IL22RA2: variants seen among roughly 807,000 people sequenced by gnomAD.
IL22RA2 encodes the protein interleukin-22 receptor subunit alpha-2.
In IL22RA2, 39 loss-of-function variants were observed where a neutral mutation model predicts 30.7. The observed-to-expected ratio is 1.27, with a 90% CI of 0.98 to 1.66. The LOEUF (loss-of-function observed/expected upper bound fraction) is 1.66, where lower values mean the gene tolerates loss of function less well. IL22RA2 is among the 40% of genes most tolerant of loss of function. The probability of loss-of-function intolerance (pLI) is 0.00; values close to 1 mark genes in which losing one functional copy is unlikely to be tolerated. For missense variants in IL22RA2, 315 were observed against 312.7 expected (o/e 1.01, Z -0.05); for synonymous variants, 103 against 105.0 (o/e 0.98, Z 0.11).
chr6:137,145,137 A>T lies in IL22RA2; in HGVS notation c.*487T>A, dbSNP rs1001366965. The T allele has an allele frequency of 2.6e-5, 4 of 151,824 alleles. No homozygotes were observed. The highest frequency in any genetic ancestry group is 9.7e-5 in the African/African-American group (4 of 41,414). The allele number at this position is 151,824 out of a possible 1,614,324, so 9.4% of individuals were successfully genotyped here. On this transcript the variant is annotated 3_prime_UTR_variant, in exon 7 of 7. Transcript: ENST00000296980. ...TTCATATAAAATAGAAATGTATGAA[A>T]AATATTCACCTTTATAGAAGTTTTA...
chr6:137,163,942 C>T (rs1562273457), intron 1 of IL22RA2, among the ~76,000 whole-genome samples: 1 of 152,142 alleles, frequency 6.6e-6, no homozygotes, highest in Non-Finnish European at 1.5e-5. Context: ...TAGGACACTG[C>T]ATACGGCCCA....
At chr6:137,146,863 G>A (rs939077811) in intron 6 of IL22RA2, among the ~76,000 whole-genome samples, 2 of 151,982 alleles carry the variant, frequency 1.3e-5, no homozygotes, top group Non-Finnish European at 1.5e-5. Context: ...GGGCATGGTG[G>A]CATGCACCTG....
chr6:137,147,081 G>A lies in IL22RA2; in HGVS notation c.642+641C>T, dbSNP rs370827184. Among the ~76,000 whole-genome samples the A allele has an allele frequency of 3.3e-5, 5 of 151,288 alleles. No homozygotes were observed. In the East Asian group the frequency reaches 9.7e-4, roughly 29 times the overall value. ...AAATAAGGTGTGAGGCCGGGGAGGT[G>A]GCTTATGCCTGCAATCCCAGCACTT... On this transcript the variant is annotated intron_variant, in intron 6 of 6. Transcript: ENST00000296980.
At position 137,162,355 on chromosome 6, in the gene IL22RA2, G is replaced by A. The variant is rs559998910; in HGVS notation, c.-65-541C>T. Among the ~76,000 whole-genome samples, 17 of 152,126 alleles carry A rather than the reference G, an allele frequency of 1.1e-4. No homozygotes were observed. The East Asian group carries it at 1.3e-3, about 12-fold the overall frequency. On this transcript the variant is annotated intron_variant, in intron 1 of 6. Coordinates refer to ENST00000296980, the MANE Select transcript of IL22RA2 (RefSeq NM_052962.3). ...CCTTCCACTGCATCTGGCTCTCCAC[G>A]GGGCTCCCTGCCGTACTCTTCAGCC...
In IL22RA2 at chr6:137,147,724, T is replaced by A; in HGVS notation, c.640A>T (p.Lys214Ter). 1 of 1,534,270 alleles carries A rather than the reference T, an allele frequency of 6.5e-7. No homozygotes were observed. The highest frequency in any genetic ancestry group is 1.2e-5 in the South Asian group (1 of 84,596). ...TATATCTATTCATCTGAACTTACCTTTTCTAGTGAATTGTTAATTATAAAA... is the reference window on the plus strand; with the variant it reads ...TATATCTATTCATCTGAACTTACCTATTCTAGTGAATTGTTAATTATAAAA... ...RVFIINNSLE[K>*]EQKVYEGAHR... is the part of the protein sequence containing the mutation. The change falls in exon 6 of 7, where the codon AAG (lysine) becomes TAG (stop). Residue 214 changes from lysine to a stop codon, truncating the protein, a stop_gained and splice_region_variant. Transcript: ENST00000296980. LOFTEE classifies it low-confidence loss of function (END_TRUNC).
chr6:137,160,332 G>A (rs753517786), intron 2 of IL22RA2, among the ~76,000 whole-genome samples: 4 of 152,138 alleles, frequency 2.6e-5, no homozygotes, highest in African/African-American at 9.7e-5. Context: ...CATTTAATTT[G>A]CCCAGCTCTT....
chr6:137,157,997 C>T (rs1291783826), intron 3 of IL22RA2, among the ~76,000 whole-genome samples: 1 of 152,210 alleles, frequency 6.6e-6, no homozygotes, highest in Non-Finnish European at 1.5e-5. Flanking sequence ...CCGATAGTTT[C>T]ACTCACTGAG....
At chr6:137,163,721 T>C (rs1341642413) in intron 1 of IL22RA2, among the ~76,000 whole-genome samples, 1 of 152,156 alleles carries the variant, frequency 6.6e-6, no homozygotes, top group African/African-American at 2.4e-5. Context: ...GGCCCATTGA[T>C]TCAGATGAAA....
In IL22RA2 at chr6:137,155,823, A is replaced by G. The variant is rs60243796; in HGVS notation, c.294-704T>C. On this transcript the variant is annotated intron_variant, in intron 4 of 6. Coordinates refer to ENST00000296980, the MANE Select transcript of IL22RA2 (RefSeq NM_052962.3). Reference sequence around the variant, plus strand: ...ACATAAGGGTTTTAACCTTTTTTTTAATACTTGGCAAAATGTTCTTTCTGG... The same window carrying G: ...ACATAAGGGTTTTAACCTTTTTTTTGATACTTGGCAAAATGTTCTTTCTGG... Among the ~76,000 whole-genome samples, 691 of 152,106 alleles carry G rather than the reference A, an allele frequency of 4.5e-3. 5 individuals carry two copies. Among genetic ancestry groups the G allele is most frequent in the African/African-American group, 0.016 (664 of 41,516 alleles).
intron 5 of IL22RA2, 36 bp downstream of exon 5, chr6:137,154,905 G>A (rs1778367068): frequency 6.2e-7 from 1 of 1,603,002 alleles, no homozygotes. Context: ...TCCAAAAGCA[G>A]GAAGAACAAG....
In IL22RA2 at chr6:137,144,516, A is replaced by G. The variant is rs1778133968; in HGVS notation, c.*1108T>C. The G allele has an allele frequency of 6.6e-6, 1 of 152,242 alleles. No homozygotes were observed. Among genetic ancestry groups the G allele is most frequent in the African/African-American group, 2.4e-5 (1 of 41,444 alleles). 9.4% of individuals were successfully genotyped at this position (152,242 alleles called of 1,614,324 possible). On this transcript the variant is annotated 3_prime_UTR_variant, in exon 7 of 7. Transcript: ENST00000296980. ...AAGTGAAGAAGGCAGCTTTCTGTTG[A>G]CCACACTGAGCCTTAGGTCACCAGA...
intron 1 of IL22RA2, among the ~76,000 whole-genome samples, chr6:137,167,215 A>G (rs1216945958): frequency 6.6e-6 from 1 of 152,232 alleles, no homozygotes; most frequent in African/African-American, 2.4e-5. Context: ...CTTATCACCC[A>G]TAGAGTTCTG....
chr6:137,171,932 C>A (rs980971014), intron 1 of IL22RA2, among the ~76,000 whole-genome samples: 2 of 152,152 alleles, frequency 1.3e-5, no homozygotes, highest in East Asian at 3.8e-4. Context: ...GTTTTTGGTG[C>A]TTATAAGGTA....
At chr6:137,159,701 A>C (rs1778482419) in intron 2 of IL22RA2, among the ~76,000 whole-genome samples, 1 of 151,950 alleles carries the variant, frequency 6.6e-6, no homozygotes, top group Admixed American at 6.6e-5. Context: ...TGACTCCTTC[A>C]CTTGCTCCAC....
At position 137,145,382 on chromosome 6, in the gene IL22RA2, A is replaced by T. The variant is rs549708136; in HGVS notation, c.*242T>A. 1 of 364,454 alleles carries T rather than the reference A, an allele frequency of 2.7e-6. No homozygotes were observed. Among genetic ancestry groups the T allele is most frequent in the South Asian group, 5.2e-5 (1 of 19,220 alleles). The allele number at this position is 364,454 out of a possible 1,614,324, so 22.6% of individuals were successfully genotyped here. A position where few individuals can be genotyped will look rare whatever the true frequency, so the allele number is the denominator to read the frequency against. ...AATAAAGTTCTGAATTTCATAGAAC[A>T]CTTTATTCTCTGCCTCATCTTTACA... is the stretch of plus-strand genomic sequence containing the variant. On this transcript the variant is annotated 3_prime_UTR_variant, in exon 7 of 7. Coordinates refer to ENST00000296980, the MANE Select transcript of IL22RA2 (RefSeq NM_052962.3).
chr6:137,153,430 T>A (rs1778333047), intron 5 of IL22RA2, among the ~76,000 whole-genome samples: 1 of 152,200 alleles, frequency 6.6e-6, no homozygotes, highest in Admixed American at 6.5e-5. Flanking sequence ...TGGTGCTATT[T>A]CTTCCACAGA....
chr6:137,166,434 G>A (rs1024846416), intron 1 of IL22RA2, among the ~76,000 whole-genome samples: 3 of 152,230 alleles, frequency 2.0e-5, no homozygotes, highest in Non-Finnish European at 2.9e-5. Flanking sequence ...CTTAGAAGCT[G>A]TATGGGCTCC....
chr6:137,153,983 C>CT (rs887952516), intron 5 of IL22RA2, among the ~76,000 whole-genome samples: 18 of 149,940 alleles, frequency 1.2e-4, no homozygotes, highest in East Asian at 5.8e-4. Flanking sequence ...TGGTAAATAT[C>CT]TTTTTTTTTT....
intron 5 of IL22RA2, among the ~76,000 whole-genome samples, chr6:137,150,943 A>T (rs781357062): frequency 5.3e-5 from 8 of 152,202 alleles, no homozygotes; most frequent in Non-Finnish European, 8.8e-5. Flanking sequence ...TTTGGATCTC[A>T]CTGGACCTTG....
Sources: allele counts gnomAD v4.1 joint callset (sites outside exome capture counted in the v4.1 genomes callset), GRCh38; gene constraint gnomAD v4.1.1; transcripts MANE v1.5; gene names NCBI Gene and HGNC (gene_info 2026-07-23, HGNC 2026-07-21).